SPTLC2: variants seen among roughly 807,000 people sequenced by gnomAD.
The protein encoded by SPTLC2 is serine palmitoyltransferase 2.
Under a neutral mutation model 62.0 loss-of-function variants are expected in SPTLC2, and 21 were observed. That is an observed-to-expected ratio of 0.34 (90% CI 0.24 to 0.49). The LOEUF is 0.49. SPTLC2 is among the 20% of genes least tolerant of loss of function. The pLI is 0.99. For synonymous variants in SPTLC2, 261 were observed against 261.8 expected (o/e 1.00, Z 0.03); for missense variants, 511 against 713.0 (o/e 0.72, Z 3.23).
intron 9 of SPTLC2, among the ~76,000 whole-genome samples, chr14:77,542,743 G>C (rs1016330705): frequency 2.0e-5 from 3 of 152,116 alleles, no homozygotes; most frequent in African/African-American, 7.2e-5. Context: ...CTAACACCAA[G>C]TACTGCACAG....
At chr14:77,557,378 TG>T (rs549814594) in intron 6 of SPTLC2, 162 of 534,962 alleles carry the variant, frequency 3.0e-4, no homozygotes, top group African/African-American at 2.7e-3. Flanking sequence ...AGGACGGTGG[TG>T]GCTAACTCAG....
intron 1 of SPTLC2, among the ~76,000 whole-genome samples, chr14:77,603,165 C>A (rs2079887217): frequency 6.6e-6 from 1 of 152,136 alleles, no homozygotes; most frequent in Non-Finnish European, 1.5e-5. Context: ...AATACAAAAT[C>A]ACAAAAGCAT....
chr14:77,593,375 T>C (rs2079829063), intron 2 of SPTLC2, among the ~76,000 whole-genome samples: 1 of 152,226 alleles, frequency 6.6e-6, no homozygotes, highest in Admixed American at 6.5e-5. Flanking sequence ...ACTCCTGGCC[T>C]TGAGTGATCC....
intron 1 of SPTLC2, among the ~76,000 whole-genome samples, chr14:77,607,146 C>T (rs555991792): frequency 6.6e-6 from 1 of 152,158 alleles, no homozygotes; most frequent in African/African-American, 2.4e-5. Context: ...TAAAGAATAT[C>T]ACCTAAAGGA....
At chr14:77,611,137 C>CAAAAAA (rs71128656) in intron 1 of SPTLC2, among the ~76,000 whole-genome samples, 1 of 126,516 alleles carries the variant, frequency 7.9e-6, no homozygotes, top group Admixed American at 8.1e-5. Flanking sequence ...ACTAAAAATA[C>CAAAAAA]AAAAAAAAAA....
chr14:77,544,492 C>T (rs1202879435), intron 9 of SPTLC2, among the ~76,000 whole-genome samples: 1 of 152,168 alleles, frequency 6.6e-6, no homozygotes, highest in Non-Finnish European at 1.5e-5. Context: ...AGGGAGGCCT[C>T]GCCTTGAGAT....
At chr14:77,533,630 C>T (rs1270588359) in intron 9 of SPTLC2, among the ~76,000 whole-genome samples, 1 of 152,200 alleles carries the variant, frequency 6.6e-6, no homozygotes, top group Non-Finnish European at 1.5e-5. Context: ...ACAGACCCTT[C>T]TTTACGTGTG....
At position 77,531,487 on chromosome 14, in the gene SPTLC2, T is replaced by C. The variant is rs536677668; in HGVS notation, c.1304-9906A>G. Among the ~76,000 whole-genome samples the C allele has an allele frequency of 3.4e-3, 184 of 54,860 alleles. 2 individuals are homozygous for C. The highest frequency in any genetic ancestry group is 9.4e-3 in the African/African-American group (132 of 14,076). 36.0% of individuals were successfully genotyped at this position (54,860 alleles called of 152,430 possible). ...CTCCTCCTCCTCCCCCTCCCCCTCCTCCTCCTCCTCCTCCTCCTCCTCTTC... is the reference window on the plus strand; with the variant it reads ...CTCCTCCTCCTCCCCCTCCCCCTCCCCCTCCTCCTCCTCCTCCTCCTCTTC... On this transcript the variant is annotated intron_variant, in intron 9 of 11. Transcript: ENST00000216484.
At chr14:77,573,348 C>CATA (rs1342276342) in intron 4 of SPTLC2, among the ~76,000 whole-genome samples, 1 of 152,092 alleles carries the variant, frequency 6.6e-6, no homozygotes. Flanking sequence ...ATGATCCCAA[C>CATA]ATATAGAAAT....
At chr14:77,544,873 T>C (rs1012213647) in intron 9 of SPTLC2, among the ~76,000 whole-genome samples, 2 of 152,294 alleles carry the variant, frequency 1.3e-5, no homozygotes, top group Admixed American at 6.5e-5. Context: ...TCAACAAGAA[T>C]GCTGAAGGCA....
chr14:77,543,352 T>C (rs982562021), intron 9 of SPTLC2, among the ~76,000 whole-genome samples: 1 of 152,108 alleles, frequency 6.6e-6, no homozygotes, highest in Non-Finnish European at 1.5e-5. Flanking sequence ...CTGTTGGGGC[T>C]GGAACATATC....
At chr14:77,561,492 TC>T (rs912632012) in intron 6 of SPTLC2, among the ~76,000 whole-genome samples, 2 of 151,670 alleles carry the variant, frequency 1.3e-5, no homozygotes, top group Non-Finnish European at 2.9e-5. Context: ...GCTCCTGTAA[TC>T]CCAGCTACTC....
At chr14:77,590,207 G>A (rs956245085) in intron 2 of SPTLC2, among the ~76,000 whole-genome samples, 17 of 152,082 alleles carry the variant, frequency 1.1e-4, no homozygotes, top group African/African-American at 3.6e-4. Context: ...AAACTCCTGC[G>A]CTCAAGCTAT....
chr14:77,529,868 C>T (rs2079429273), intron 9 of SPTLC2, among the ~76,000 whole-genome samples: 1 of 151,898 alleles, frequency 6.6e-6, no homozygotes, highest in African/African-American at 2.4e-5. Context: ...TGTGATCCAC[C>T]TGCCTGGCCC....
chr14:77,589,027 A>C (rs1321708477), intron 2 of SPTLC2, among the ~76,000 whole-genome samples: 4 of 125,400 alleles, frequency 3.2e-5, no homozygotes, highest in African/African-American at 1.2e-4. Flanking sequence ...AAAAAAAAAA[A>C]AACACACAAA....
At chr14:77,532,852 T>C (rs1271890490) in intron 9 of SPTLC2, among the ~76,000 whole-genome samples, 1 of 151,986 alleles carries the variant, frequency 6.6e-6, no homozygotes, top group Non-Finnish European at 1.5e-5. Context: ...ACTGCTTTTT[T>C]TGGAGGGCTA....
At chr14:77,588,346 C>G (rs1315760994) in intron 2 of SPTLC2, among the ~76,000 whole-genome samples, 3 of 151,846 alleles carry the variant, frequency 2.0e-5, no homozygotes, top group African/African-American at 7.3e-5. Context: ...TTTTTAAATC[C>G]CAAATAATTC....
intron 9 of SPTLC2, among the ~76,000 whole-genome samples, chr14:77,536,923 C>CG (rs201472760): frequency 1.3e-5 from 2 of 149,274 alleles, no homozygotes; most frequent in African/African-American, 5.0e-5. Context: ...ATTCCCCCAC[C>CG]CCCCCACTTC....
chr14:77,540,336 T>G (rs140027269), intron 9 of SPTLC2, among the ~76,000 whole-genome samples: 260 of 152,276 alleles, frequency 1.7e-3, no homozygotes, highest in Middle Eastern at 6.8e-3. Context: ...ACAGAGTTCT[T>G]ATCTGCTAAT....
Sources: allele counts gnomAD v4.1 joint callset (sites outside exome capture counted in the v4.1 genomes callset), GRCh38; gene constraint gnomAD v4.1.1; transcripts MANE v1.5; gene names NCBI Gene and HGNC (gene_info 2026-07-23, HGNC 2026-07-21).